Variants in ATP2A2 observed in about 807,000 individuals in gnomAD.
ATP2A2 encodes ATPase sarcoplasmic/endoplasmic reticulum Ca2+ transporting 2.
ATP2A2 carries 14 observed loss-of-function variants against 109.3 expected under a neutral mutation model. The ratio of observed to expected loss-of-function variants is 0.13; its 90% confidence interval spans 0.08 to 0.20. The LOEUF is 0.20. ATP2A2 is among the 10% of genes least tolerant of loss of function. The pLI is 1.00. For synonymous variants in ATP2A2, 506 were observed against 490.9 expected (o/e 1.03, Z -0.41); for missense variants, 657 against 1,321.6 (o/e 0.50, Z 7.80).
intron 5 of ATP2A2, among the ~76,000 whole-genome samples, chr12:110,318,576 C>T (rs545769953): frequency 2.7e-3 from 415 of 152,244 alleles, no homozygotes; most frequent in African/African-American, 9.0e-3. Context: ...AAGGCTCAAG[C>T]GATAGTCTTG....
At position 110,340,733 on chromosome 12, in the gene ATP2A2, G is replaced by C; in HGVS notation, c.1836G>C (p.Leu612=). Residue 612 remains leucine, a synonymous_variant, in exon 14 of 20, where the codon CTG becomes CTC. Transcript: ENST00000539276. The surrounding 1 kb of genome is among the most constrained non-coding windows in gnomAD (Gnocchi z 6.0). ...PRIEVASSVK[L]CRQAGIRVIM... is the part of the protein sequence containing the mutation. ...TCGAGGTGGCCTCCTCCGTGAAGCT[G>C]TGCCGGCAAGCAGGCATCCGGGTCA... 1 of 1,614,096 alleles carries C rather than the reference G, an allele frequency of 6.2e-7. No individual in the cohort carries two copies. The highest frequency in any genetic ancestry group is 1.3e-5 in the African/African-American group (1 of 75,022).
At chr12:110,307,296 A>T (rs1875463734) in intron 5 of ATP2A2, among the ~76,000 whole-genome samples, 1 of 142,402 alleles carries the variant, frequency 7.0e-6, no homozygotes, top group East Asian at 2.1e-4. Flanking sequence ...CAGTGGCATG[A>T]TTATAGCTCA....
chr12:110,332,165 T>C (rs1878403572), intron 8 of ATP2A2: 1 of 201,710 alleles, frequency 5.0e-6, no homozygotes, highest in South Asian at 8.6e-5. Flanking sequence ...TGTGCTTAGC[T>C]CTAAGGCAGG....
intron 5 of ATP2A2, among the ~76,000 whole-genome samples, chr12:110,320,663 G>C (rs1877145316): frequency 6.6e-6 from 1 of 152,178 alleles, no homozygotes; most frequent in Admixed American, 6.5e-5. Flanking sequence ...TAAAATGAAA[G>C]GTTCTCGTTG....
rs1394049632 is a variant in ATP2A2 at position 110,296,689 on chromosome 12, C to T, written c.415C>T (p.Arg139Trp). The change falls in exon 5 of 20, where the codon CGG becomes TGG. Residue 139 changes from arginine to tryptophan, a missense_variant. This residue lies in a region of ATP2A2 where 136 missense variants were observed against 343.9 expected (regional missense o/e 0.40). Transcript: ENST00000539276. ...TCGACAGGACAGAAAGAGTGTGCAG[C>T]GGATTAAAGCTAAAGACATAGTTCC... is the stretch of plus-strand genomic sequence containing the variant. ...VYRQDRKSVQ[R>W]IKAKDIVPGD... 1 of 1,613,844 alleles carries T rather than the reference C, an allele frequency of 6.2e-7. No individual in the cohort carries two copies. The highest frequency in any genetic ancestry group is 8.5e-7 in the Non-Finnish European group (1 of 1,179,934).
At chr12:110,296,143 C>T in intron 4 of ATP2A2, 1 of 170,482 alleles carries the variant, frequency 5.9e-6, no homozygotes, top group Non-Finnish European at 1.3e-5. Flanking sequence ...TTGACATAGT[C>T]TCTTTCTGTT....
At chr12:110,338,774 C>T (rs1255081094) in intron 11 of ATP2A2, among the ~76,000 whole-genome samples, 2 of 152,166 alleles carry the variant, frequency 1.3e-5, no homozygotes, top group African/African-American at 4.8e-5. Flanking sequence ...GTCTTAAAAG[C>T]CAAATGCCCC....
In ATP2A2 at chr12:110,349,024, A is replaced by G. The variant is rs1242400317; in HGVS notation, c.*2554A>G. 2.7e-5 allele frequency: 27 copies of G among 985,206 alleles called. No individual in the cohort carries two copies. The highest frequency in any genetic ancestry group is 7.0e-5 in the African/African-American group (4 of 57,202). The allele number at this position is 985,206 out of a possible 1,614,324, so 61.0% of individuals were successfully genotyped here. A position where few individuals can be genotyped will look rare whatever the true frequency, so the allele number is the denominator to read the frequency against. On this transcript the variant is annotated 3_prime_UTR_variant, in exon 20 of 20. Transcript: ENST00000539276. ...TGTGGCCTGCTGTCGCACAGCCCCT[A>G]GTTAGCTTCATGGTTTCTCAGCTTC...
At chr12:110,322,876 G>A in intron 5 of ATP2A2, 116 bp from the exon 6 acceptor site, 2 of 785,618 alleles carry the variant, frequency 2.5e-6, no homozygotes, top group Non-Finnish European at 2.2e-6. Flanking sequence ...TTATGTATTT[G>A]TGTTATATGC....
intron 3 of ATP2A2, among the ~76,000 whole-genome samples, chr12:110,286,834 TC>T (rs1872712551): frequency 6.6e-6 from 1 of 152,192 alleles, no homozygotes; most frequent in Non-Finnish European, 1.5e-5. Context: ...CTTTTTTCTT[TC>T]GTTTTCTTTT....
At chr12:110,296,304 T>G in intron 4 of ATP2A2, 1 of 383,432 alleles carries the variant, frequency 2.6e-6, no homozygotes. Flanking sequence ...GGCAGGGGGA[T>G]TTGGCTAAAG....
intron 5 of ATP2A2, among the ~76,000 whole-genome samples, chr12:110,298,095 A>G (rs540211618): frequency 6.6e-6 from 1 of 152,256 alleles, no homozygotes; most frequent in East Asian, 1.9e-4. Flanking sequence ...TCTCATAGTA[A>G]TATGCTTTTA....
In ATP2A2 at chr12:110,328,901, G is replaced by C. The variant is rs1878065909; in HGVS notation, c.1095+884G>C. On this transcript the variant is annotated intron_variant, in intron 8 of 19. Coordinates refer to ENST00000539276, the MANE Select transcript of ATP2A2 (RefSeq NM_170665.4). ...AATTTTCCTGATCCTCTGTCTCTAG[G>C]TGTATGTTAATAGACAAGTTCTAGA... Among the ~76,000 whole-genome samples, 3 of 152,100 alleles carry C rather than the reference G, an allele frequency of 2.0e-5. No individual in the cohort carries two copies. In the South Asian group the frequency reaches 6.2e-4, roughly 32 times the overall value.
In ATP2A2 at chr12:110,342,140, C is replaced by T; in HGVS notation, c.2098-88C>T. 1 of 1,449,602 alleles carries T rather than the reference C, an allele frequency of 6.9e-7. No homozygotes were observed. Among genetic ancestry groups the T allele is most frequent in the Non-Finnish European group, 9.7e-7 (1 of 1,031,794 alleles). 89.8% of individuals were successfully genotyped at this position (1,449,602 alleles called of 1,614,324 possible). A position where few individuals can be genotyped will look rare whatever the true frequency, so the allele number is the denominator to read the frequency against. The stretch of plus-strand genomic sequence containing the variant: ...AGAGACCTACGGCTCTATTCATTTT[C>T]CTCCTGCTTCCCATTCAGTGGGCTT... On this transcript the variant is annotated intron_variant, in intron 14 of 19. Transcript: ENST00000539276. This position sits in a 1 kb window ranked among gnomAD's most constrained non-coding sequence, Gnocchi z 4.6.
At chr12:110,343,990 A>G (rs1879603192) in intron 16 of ATP2A2, among the ~76,000 whole-genome samples, 1 of 152,144 alleles carries the variant, frequency 6.6e-6, no homozygotes, top group South Asian at 2.1e-4. Context: ...TTCAAATTCA[A>G]AAAGCACACA....
intron 5 of ATP2A2, among the ~76,000 whole-genome samples, chr12:110,298,164 A>G (rs1874168560): frequency 6.6e-6 from 1 of 152,182 alleles, no homozygotes; most frequent in Non-Finnish European, 1.5e-5. Context: ...AATGAATTGA[A>G]AGAGCTGCAT....
chr12:110,312,097 T>G (rs1876138925), intron 5 of ATP2A2, among the ~76,000 whole-genome samples: 1 of 152,084 alleles, frequency 6.6e-6, no homozygotes, highest in African/African-American at 2.4e-5. Flanking sequence ...GAGGATCAGT[T>G]GAGCCTGGGA....
chr12:110,325,488 G>A (rs1877695930), intron 6 of ATP2A2, among the ~76,000 whole-genome samples: 1 of 152,052 alleles, frequency 6.6e-6, no homozygotes, highest in Non-Finnish European at 1.5e-5. Flanking sequence ...ACAAAAATTA[G>A]CTGGGCATGG....
At position 110,339,362 on chromosome 12, in the gene ATP2A2, A is replaced by C. The variant is rs779156154; in HGVS notation, c.1501A>C (p.Asn501His). 6.2e-7 allele frequency: 1 copy of C among 1,614,228 alleles called. No homozygotes were observed. Among genetic ancestry groups the C allele is most frequent in the African/African-American group, 1.3e-5 (1 of 75,062 alleles). Residue 501 changes from asparagine (N) to histidine (H), a missense_variant, in exon 12 of 20, where the codon AAT becomes CAT. Transcript: ENST00000539276. This position sits in a 1 kb window ranked among gnomAD's most constrained non-coding sequence, Gnocchi z 4.4. ...RKSMSVYCTPNKPSRTSMSKM... is the reference protein window; with the variant it reads ...RKSMSVYCTPHKPSRTSMSKM... ...GTCAATGTCGGTTTACTGTACACCA[A>C]ATAAACCAAGCAGGACATCAATGAG...
Sources: gnomAD v4.1 joint callset for allele counts (sites outside exome capture counted in the v4.1 genomes callset) on GRCh38, gnomAD v4.1.1 for gene constraint, gnomAD v4.1.1 regional missense constraint, Gnocchi (gnomAD v3.1) non-coding constraint, MANE v1.5 for transcripts, NCBI Gene and HGNC (gene_info 2026-07-23, HGNC 2026-07-21) for gene names.